FER1L6: variants seen among roughly 807,000 people sequenced by gnomAD.
FER1L6 encodes the protein fer-1 like family member 6, also known as fer-1-like protein 6.
FER1L6 carries 177 observed loss-of-function variants against 219.2 expected under a neutral mutation model. The ratio of observed to expected loss-of-function variants is 0.81; its 90% CI spans 0.71 to 0.91. The LOEUF is 0.91. FER1L6 is among the 40% of genes least tolerant of loss of function. FER1L6 has a pLI of 0.00. For synonymous variants in FER1L6, 768 were observed against 824.3 expected (o/e 0.93, Z 1.17); for missense variants, 2,153 against 2,259.9 (o/e 0.95, Z 0.96).
In FER1L6 at chr8:124,013,488, G is replaced by A; in HGVS notation, c.1879G>A (p.Glu627Lys). 6.2e-7 allele frequency: 1 copy of A among 1,610,672 alleles called. No homozygotes were observed. Among genetic ancestry groups the A allele is most frequent in the South Asian group, 1.1e-5 (1 of 90,402 alleles). ...CAAGATTTCACAGGAGGCACCTGAA[G>A]AGAAAATGAAAACAGTGCTCAGTGA... The part of the protein sequence containing the change: ...LIKISQEAPE[E>K]KMKTVLSDFI... Residue 627 changes from glutamate to lysine, a missense_variant, in exon 15 of 41, where the codon GAG becomes AAG. Coordinates refer to ENST00000522917, the MANE Select transcript of FER1L6 (RefSeq NM_001039112.2).
intron 1 of FER1L6, among the ~76,000 whole-genome samples, chr8:123,894,288 T>TGCC (rs1812707708): frequency 6.6e-6 from 1 of 152,220 alleles, no homozygotes. Context: ...CGTAGTTACA[T>TGCC]TTCTTGCCTA....
At chr8:123,939,258 A>T in intron 1 of FER1L6, 1 of 921,974 alleles carries the variant, frequency 1.1e-6, no homozygotes, top group South Asian at 5.0e-5. Flanking sequence ...GTACTTTTGT[A>T]TTTTTGATAA....
intron 32 of FER1L6, among the ~76,000 whole-genome samples, chr8:124,081,547 A>G (rs1263466478): frequency 6.6e-6 from 1 of 151,262 alleles, no homozygotes; most frequent in Non-Finnish European, 1.5e-5. Context: ...GTTCACGGAA[A>G]CATTTATTTT....
At chr8:124,118,117 G>A (rs983282559) in intron 39 of FER1L6, among the ~76,000 whole-genome samples, 2 of 152,156 alleles carry the variant, frequency 1.3e-5, no homozygotes, top group African/African-American at 4.8e-5. Context: ...CTAGTGCCTA[G>A]AACAGTGTGT....
intron 1 of FER1L6, among the ~76,000 whole-genome samples, chr8:123,948,086 A>AAATTTAATTT (rs1209941276): frequency 6.6e-6 from 1 of 152,218 alleles, no homozygotes; most frequent in Non-Finnish European, 1.5e-5. Flanking sequence ...GCTGGTTTTT[A>AAATTTAATTT]AATTTAATTA....
At chr8:123,863,156 T>C (rs1816773682) in intron 1 of FER1L6, among the ~76,000 whole-genome samples, 1 of 107,818 alleles carries the variant, frequency 9.3e-6, no homozygotes, top group Non-Finnish European at 1.8e-5. Context: ...TTTGAATGCA[T>C]CCCAGAGATT....
intron 26 of FER1L6, 50 bp from the exon 27 acceptor site, chr8:124,066,378 T>C: frequency 6.3e-7 from 1 of 1,588,908 alleles, no homozygotes; most frequent in African/African-American, 1.4e-5. Flanking sequence ...ACCATCAGCA[T>C]GCAGCCAAAT....
At position 123,977,419 on chromosome 8, in the gene FER1L6, G is replaced by A. The variant is rs572856817; in HGVS notation, c.873G>A (p.Gly291=). ...TGTCCTCCTGGCTGTGTTTTTAGGGGCGAACCACAGTGCAGAAGAACTGTG... is the reference window on the plus strand; with the variant it reads ...TGTCCTCCTGGCTGTGTTTTTAGGGACGAACCACAGTGCAGAAGAACTGTG... ...FVEVSFAGQM[G]RTTVQKNCAD... is the part of the protein sequence containing the mutation. The change falls in exon 10 of 41, where the codon GGG becomes GGA. Residue 291 remains glycine, a splice_region_variant and synonymous_variant. Coordinates refer to ENST00000522917, the MANE Select transcript of FER1L6 (RefSeq NM_001039112.2). 1.2e-6 allele frequency: 2 copies of A among 1,612,374 alleles called. No individual in the cohort carries two copies. Among genetic ancestry groups the A allele is most frequent in the Non-Finnish European group, 1.7e-6 (2 of 1,179,068 alleles).
intron 34 of FER1L6, among the ~76,000 whole-genome samples, chr8:124,094,156 T>A (rs1402033010): frequency 6.6e-6 from 1 of 152,186 alleles, no homozygotes; most frequent in East Asian, 1.9e-4. Context: ...GACGTCCCTA[T>A]GGATGGACAT....
intron 39 of FER1L6, among the ~76,000 whole-genome samples, chr8:124,114,504 CA>C (rs1404695596): frequency 6.6e-6 from 1 of 152,056 alleles, no homozygotes; most frequent in African/African-American, 2.4e-5. Context: ...ACCAAAGAAA[CA>C]AAAATCAGGG....
intron 18 of FER1L6, 46 bp downstream of exon 18, chr8:124,023,642 T>C (rs758809624): frequency 4.4e-6 from 7 of 1,596,760 alleles, no homozygotes; most frequent in Non-Finnish European, 5.1e-6. Context: ...TTTCTGTTTC[T>C]CTAGGGTGGC....
intron 20 of FER1L6, among the ~76,000 whole-genome samples, chr8:124,042,243 T>A (rs1819534629): frequency 6.6e-6 from 1 of 152,250 alleles, no homozygotes; most frequent in Non-Finnish European, 1.5e-5. Flanking sequence ...TGGCTTTTAT[T>A]TGTCAAATAA....
At chr8:124,025,336 CT>C (rs1449483291) in intron 18 of FER1L6, among the ~76,000 whole-genome samples, 1 of 151,990 alleles carries the variant, frequency 6.6e-6, no homozygotes, top group Non-Finnish European at 1.5e-5. Flanking sequence ...TTTAATCCAT[CT>C]TGAGTTAATT....
At chr8:123,993,642 C>T (rs115774181) in intron 12 of FER1L6, among the ~76,000 whole-genome samples, 30 of 152,164 alleles carry the variant, frequency 2.0e-4, no homozygotes, top group African/African-American at 6.7e-4. Flanking sequence ...ATTTTTTTGT[C>T]CCACAGGGTG....
chr8:123,955,993 A>G lies in FER1L6; in HGVS notation c.-6A>G. The G allele has an allele frequency of 6.2e-7, 1 of 1,609,586 alleles. No individual in the cohort carries two copies. ...TTTCTTTTTTTTTCTTCTTTTCAGA[A>G]AGGGGATGTTTGGGCTGAAGGTGAA... On this transcript the variant is annotated splice_region_variant and 5_prime_UTR_variant, in exon 2 of 41. Transcript: ENST00000522917.
intron 5 of FER1L6, among the ~76,000 whole-genome samples, 168 bp from the exon 6 acceptor site, chr8:123,969,867 C>CAAA (rs369712009): frequency 4.2e-5 from 3 of 71,998 alleles, no homozygotes; most frequent in African/African-American, 5.7e-5. Context: ...ACCCTGTCTC[C>CAAA]AAAAAAAAAA....
chr8:123,970,318 G>A (rs977751333), intron 6 of FER1L6, among the ~76,000 whole-genome samples: 1 of 152,192 alleles, frequency 6.6e-6, no homozygotes, highest in Non-Finnish European at 1.5e-5. Flanking sequence ...GAAGCAAGTG[G>A]TAAGCTATGG....
rs1816061215 is a variant in FER1L6, at chr8:123,976,102, C to T, written c.870+18C>T. On this transcript the variant is annotated intron_variant, in intron 9 of 40. Coordinates refer to ENST00000522917, the MANE Select transcript of FER1L6 (RefSeq NM_001039112.2). ...GGCAGATGGTGAGGAACCATTGTCA[C>T]TAACACTGCCTGCTAGGCCAGGGCC... 1.3e-6 allele frequency: 2 copies of T among 1,579,684 alleles called. No homozygotes were observed. The highest frequency in any genetic ancestry group is 1.7e-5 in the Admixed American group (1 of 58,606).
intron 15 of FER1L6, among the ~76,000 whole-genome samples, chr8:124,015,064 G>A (rs1818125430): frequency 6.6e-6 from 1 of 152,136 alleles, no homozygotes; most frequent in African/African-American, 2.4e-5. Flanking sequence ...TGCCACGTGA[G>A]CCTCTCTAAG....
Sources: gnomAD v4.1 joint callset for allele counts (sites outside exome capture counted in the v4.1 genomes callset) on GRCh38, gnomAD v4.1.1 for gene constraint, MANE v1.5 for transcripts, NCBI Gene and HGNC (gene_info 2026-07-23, HGNC 2026-07-21) for gene names.